PRKG1: variants seen among roughly 807,000 people sequenced by gnomAD.
PRKG1 encodes protein kinase cGMP-dependent 1.
PRKG1 carries 35 observed loss-of-function variants against 88.1 expected under a neutral mutation model. The ratio of observed to expected loss-of-function variants is 0.40; its 90% CI spans 0.30 to 0.53. The LOEUF (loss-of-function observed/expected upper bound fraction) is 0.53. PRKG1 is among the 20% of genes least tolerant of loss of function. The pLI is 0.59. For synonymous variants in PRKG1, 303 were observed against 292.5 expected, an observed-to-expected ratio of 1.04 and a Z score of -0.37; for missense variants, 540 against 839.8, an observed-to-expected ratio of 0.64 and a Z score of 4.41.
intron 3 of PRKG1, among the ~76,000 whole-genome samples, chr10:51,669,525 C>A (rs1298723719): frequency 6.6e-6 from 1 of 152,120 alleles, no homozygotes; most frequent in Non-Finnish European, 1.5e-5. Flanking sequence ...CTGAATAACA[C>A]ATTTTAGGAG....
At chr10:52,007,908 C>G (rs1844780217) in intron 5 of PRKG1, among the ~76,000 whole-genome samples, 1 of 151,982 alleles carries the variant, frequency 6.6e-6, no homozygotes, top group Non-Finnish European at 1.5e-5. Flanking sequence ...TGTGGAAAAA[C>G]AAAAATCACA....
At chr10:52,085,697 C>T (rs562262671) in intron 7 of PRKG1, among the ~76,000 whole-genome samples, 1 of 152,252 alleles carries the variant, frequency 6.6e-6, no homozygotes, top group Non-Finnish European at 1.5e-5. Flanking sequence ...TAAATGTGCT[C>T]ACGGCTACTT....
At chr10:51,772,832 G>A (rs957205477) in intron 3 of PRKG1, among the ~76,000 whole-genome samples, 3 of 152,036 alleles carry the variant, frequency 2.0e-5, no homozygotes, top group African/African-American at 7.2e-5. Flanking sequence ...AGGCAAAATG[G>A]AGATTGATGG....
At chr10:51,130,831 G>A (rs868202634) in intron 1 of PRKG1, among the ~76,000 whole-genome samples, 43 of 151,962 alleles carry the variant, frequency 2.8e-4, no homozygotes, top group African/African-American at 8.0e-4. Context: ...GAACCCGGGA[G>A]GCAGAGGTTG....
intron 1 of PRKG1, among the ~76,000 whole-genome samples, chr10:51,127,050 G>A (rs955778508): frequency 2.6e-5 from 4 of 152,084 alleles, no homozygotes; most frequent in Admixed American, 1.3e-4. Flanking sequence ...ATGTAGGCAT[G>A]GACAAAGATT....
intron 1 of PRKG1, among the ~76,000 whole-genome samples, chr10:51,053,564 A>C (rs1299746716): frequency 2.0e-5 from 3 of 152,124 alleles, no homozygotes; most frequent in Non-Finnish European, 4.4e-5. Flanking sequence ...AGTAATTGCC[A>C]ATTTGATTAT....
At chr10:51,864,221 C>T (rs954425935) in intron 4 of PRKG1, among the ~76,000 whole-genome samples, 12 of 152,206 alleles carry the variant, frequency 7.9e-5, no homozygotes, top group African/African-American at 2.9e-4. Flanking sequence ...TTTCCTACTA[C>T]TATAATCAAA....
intron 3 of PRKG1, among the ~76,000 whole-genome samples, chr10:51,670,735 C>CAAAAAAA (rs1181738888): frequency 8.6e-6 from 1 of 116,706 alleles, no homozygotes; most frequent in African/African-American, 3.2e-5. Context: ...GACTCCGTCT[C>CAAAAAAA]AAAAAAAAAT....
At chr10:51,949,617 A>T (rs1411301774) in intron 5 of PRKG1, among the ~76,000 whole-genome samples, 1 of 152,302 alleles carries the variant, frequency 6.6e-6, no homozygotes, top group East Asian at 1.9e-4. Context: ...AGGTATGTTA[A>T]GGTATCAGAG....
intron 2 of PRKG1, among the ~76,000 whole-genome samples, chr10:51,340,651 A>G (rs1222159533): frequency 6.6e-6 from 1 of 152,198 alleles, no homozygotes; most frequent in African/African-American, 2.4e-5. Context: ...AAGCCAAACC[A>G]ATACATATCT....
chr10:51,505,520 T>C (rs1245037199), intron 3 of PRKG1, among the ~76,000 whole-genome samples: 2 of 152,202 alleles, frequency 1.3e-5, no homozygotes, highest in African/African-American at 4.8e-5. Context: ...CTTTTTCTGT[T>C]GATTGGAACA....
intron 3 of PRKG1, among the ~76,000 whole-genome samples, chr10:51,660,806 G>T (rs1840279751): frequency 6.6e-6 from 1 of 152,014 alleles, no homozygotes; most frequent in Non-Finnish European, 1.5e-5. Context: ...GGTAAAAAGG[G>T]TTGCATGCAG....
At chr10:51,717,925 T>G (rs1455490828) in intron 3 of PRKG1, among the ~76,000 whole-genome samples, 24 of 152,224 alleles carry the variant, frequency 1.6e-4, no homozygotes. Flanking sequence ...CATTGGTTTC[T>G]GCCTTGATTA....
chr10:51,431,651 G>C (rs1322261005), intron 2 of PRKG1, among the ~76,000 whole-genome samples: 1 of 152,124 alleles, frequency 6.6e-6, no homozygotes, highest in Non-Finnish European at 1.5e-5. Context: ...TCTATCCTCA[G>C]TTGGGGGGCT....
chr10:51,355,613 A>G (rs550104299), intron 2 of PRKG1, among the ~76,000 whole-genome samples: 28 of 151,994 alleles, frequency 1.8e-4, no homozygotes, highest in Admixed American at 7.9e-4. Context: ...AGCGTGTTTG[A>G]CAGGTCCTCC....
In PRKG1 at chr10:50,991,359, C is replaced by T. The variant is rs751803388; in HGVS notation, c.-20C>T. 1.3e-6 allele frequency: 2 copies of T among 1,501,918 alleles called. No homozygotes were observed. The highest frequency in any genetic ancestry group is 1.8e-6 in the Non-Finnish European group (2 of 1,125,766). The allele number at this position is 1,501,918 out of a possible 1,614,324, so 93.0% of individuals were successfully genotyped here. ...CGCCGCCGCCCGAGAAAAAGTTTCG[C>T]GGAGGGGCTCAGTGAAAAAATGAGC... On this transcript the variant is annotated 5_prime_UTR_variant, in exon 1 of 18. Coordinates refer to the PRKG1 transcript ENST00000401604. This position sits in a 1 kb window ranked among gnomAD's most constrained non-coding sequence, Gnocchi z 4.5.
chr10:51,830,469 C>T (rs998353936), intron 4 of PRKG1, among the ~76,000 whole-genome samples: 1 of 150,006 alleles, frequency 6.7e-6, no homozygotes, highest in Non-Finnish European at 1.5e-5. Context: ...GACAGTTTGG[C>T]TTATTTGTTC....
At chr10:51,476,726 T>C (rs16918428) in intron 3 of PRKG1, among the ~76,000 whole-genome samples, 36,118 of 151,864 alleles carry the variant, frequency 0.24, 4,649 homozygotes, top group Admixed American at 0.32. Context: ...AGGAGCTCCA[T>C]CCAGTTGCCC....
At chr10:51,401,026 T>G (rs923972372) in intron 2 of PRKG1, among the ~76,000 whole-genome samples, 2 of 152,212 alleles carry the variant, frequency 1.3e-5, no homozygotes, top group Non-Finnish European at 2.9e-5. Context: ...TTTTAAAAAC[T>G]CTAAAACAGT....
Sources: allele counts gnomAD v4.1 joint callset (sites outside exome capture counted in the v4.1 genomes callset), GRCh38; gene constraint gnomAD v4.1.1; non-coding constraint Gnocchi (gnomAD v3.1); transcripts MANE v1.5; gene names NCBI Gene and HGNC (gene_info 2026-07-23, HGNC 2026-07-21).